XKR4: variants seen among roughly 807,000 people sequenced by gnomAD.
The protein encoded by XKR4 is XK-related protein 4.
XKR4 carries 12 observed loss-of-function variants against 53.9 expected under a neutral mutation model. The observed-to-expected ratio is 0.22, with a 90% CI of 0.14 to 0.36. XKR4 has a LOEUF of 0.36. XKR4 is among the 10% of genes least tolerant of loss of function. The pLI is 1.00. For missense variants in XKR4, 799 were observed against 859.5 expected (o/e 0.93, Z 0.88); for synonymous variants, 354 against 362.4 (o/e 0.98, Z 0.26).
chr8:55,173,533 C>T (rs1198415762), intron 1 of XKR4, among the ~76,000 whole-genome samples: 6 of 152,062 alleles, frequency 3.9e-5, no homozygotes. Flanking sequence ...TATTCTCCAC[C>T]CTTCCTCCAA....
At chr8:55,428,179 A>G (rs79209878) in intron 2 of XKR4, among the ~76,000 whole-genome samples, 6,251 of 152,282 alleles carry the variant, frequency 0.041, 237 homozygotes, top group African/African-American at 0.096. Context: ...CCTGGACATT[A>G]TATATAAAGC....
rs1468008545 is a variant in XKR4, at chr8:55,524,482, C to G, written c.*255C>G. 8 of 523,830 alleles carry G rather than the reference C, an allele frequency of 1.5e-5. No homozygotes were observed. The highest frequency in any genetic ancestry group is 2.4e-5 in the Non-Finnish European group (7 of 294,144). 32.4% of individuals were successfully genotyped at this position (523,830 alleles called of 1,614,324 possible). ...GACTCTCCATTGCTACCAAACTCCT[C>G]CTGCACGGTCTTGGGTGCACCCACC... On this transcript the variant is annotated 3_prime_UTR_variant, in exon 3 of 3. Transcript: ENST00000327381.
At chr8:55,199,761 GA>G (rs1230975132) in intron 1 of XKR4, among the ~76,000 whole-genome samples, 4 of 152,198 alleles carry the variant, frequency 2.6e-5, no homozygotes, top group African/African-American at 7.2e-5. Flanking sequence ...TGTACTGTAA[GA>G]TAGCCACATA....
chr8:55,180,160 T>C (rs1227268586), intron 1 of XKR4, among the ~76,000 whole-genome samples: 8 of 152,238 alleles, frequency 5.3e-5, no homozygotes, highest in Admixed American at 1.3e-4. Flanking sequence ...AAAAGATTCA[T>C]GAGTCGGAGG....
chr8:55,237,835 T>G (rs1241055019), intron 1 of XKR4, among the ~76,000 whole-genome samples: 1 of 152,220 alleles, frequency 6.6e-6, no homozygotes, highest in African/African-American at 2.4e-5. Flanking sequence ...TATGACTGAC[T>G]CCTTGTGCTT....
intron 2 of XKR4, among the ~76,000 whole-genome samples, chr8:55,479,837 A>C (rs1184373186): frequency 6.6e-6 from 1 of 152,142 alleles, no homozygotes; most frequent in African/African-American, 2.4e-5. Context: ...CACTCTCCCA[A>C]GACTAAACCA....
intron 1 of XKR4, chr8:55,161,658 T>C (rs1400559938): frequency 4.4e-6 from 2 of 456,134 alleles, no homozygotes; most frequent in Admixed American, 4.7e-5. Context: ...AGTGAATACT[T>C]GGACGGTGTT....
rs1806950734 is a variant in XKR4, at chr8:55,531,377, T to C, written c.*7150T>C. 6.6e-6 allele frequency: 1 copy of C among 152,184 alleles called. No individual in the cohort carries two copies. The highest frequency in any genetic ancestry group is 1.5e-5 in the Non-Finnish European group (1 of 68,022). The allele number at this position is 152,184 out of a possible 1,614,324, so 9.4% of individuals were successfully genotyped here. ...TTAACAGTAAAAAATATAGTATTAT[T>C]GTCTTATGGGATCGCTGTCATATGT... On this transcript the variant is annotated 3_prime_UTR_variant, in exon 3 of 3. Transcript: ENST00000327381.
At chr8:55,497,475 T>G (rs1026229137) in intron 2 of XKR4, among the ~76,000 whole-genome samples, 3 of 152,198 alleles carry the variant, frequency 2.0e-5, no homozygotes, top group Non-Finnish European at 4.4e-5. Context: ...ACCTTTTGCT[T>G]TATTAACTTA....
chr8:55,181,095 C>T (rs1039845851), intron 1 of XKR4, among the ~76,000 whole-genome samples: 1 of 152,116 alleles, frequency 6.6e-6, no homozygotes, highest in South Asian at 2.1e-4. Flanking sequence ...TACTATGTCT[C>T]GAGAGTAAAT....
intron 1 of XKR4, among the ~76,000 whole-genome samples, chr8:55,215,115 A>AT (rs1255427663): frequency 6.6e-6 from 1 of 150,622 alleles, no homozygotes; most frequent in Non-Finnish European, 1.5e-5. Context: ...CAAGTTTGTT[A>AT]TTTTTTCCCT....
chr8:55,445,474 C>A (rs1805334156), intron 2 of XKR4, among the ~76,000 whole-genome samples: 1 of 152,122 alleles, frequency 6.6e-6, no homozygotes, highest in African/African-American at 2.4e-5. Flanking sequence ...ATGAATATGT[C>A]TGCCCCATTA....
At chr8:55,469,645 T>A (rs1017987072) in intron 2 of XKR4, among the ~76,000 whole-genome samples, 2 of 152,004 alleles carry the variant, frequency 1.3e-5, no homozygotes, top group Non-Finnish European at 2.9e-5. Flanking sequence ...TTAAAAAAAA[T>A]TAAAAATCTA....
At chr8:55,257,821 T>C (rs1679083865) in intron 1 of XKR4, among the ~76,000 whole-genome samples, 1 of 152,232 alleles carries the variant, frequency 6.6e-6, no homozygotes, top group Non-Finnish European at 1.5e-5. Flanking sequence ...CGGTGTTTTC[T>C]ATGAGCCCCT....
chr8:55,357,989 C>G (rs1248409914), intron 2 of XKR4, 112 bp downstream of exon 2: 6 of 1,055,518 alleles, frequency 5.7e-6, no homozygotes, highest in Non-Finnish European at 8.2e-6. Context: ...TGTGATGTGT[C>G]TGCTGTTTTA....
intron 1 of XKR4, among the ~76,000 whole-genome samples, chr8:55,339,452 G>A (rs755713342): frequency 1.3e-5 from 2 of 152,152 alleles, no homozygotes; most frequent in African/African-American, 2.4e-5. Flanking sequence ...CTGATCATGC[G>A]TGTTCATTCC....
At chr8:55,379,385 C>T (rs999646411) in intron 2 of XKR4, among the ~76,000 whole-genome samples, 2 of 152,202 alleles carry the variant, frequency 1.3e-5, no homozygotes, top group African/African-American at 2.4e-5. Context: ...GACTAGGATA[C>T]TCACCATACC....
chr8:55,501,771 G>A (rs2622568), intron 2 of XKR4, among the ~76,000 whole-genome samples: 66,771 of 151,844 alleles, frequency 0.44, 17,313 homozygotes, highest in African/African-American at 0.73. Flanking sequence ...GCTATTGTGA[G>A]TAATGCTGTT....
intron 1 of XKR4, among the ~76,000 whole-genome samples, chr8:55,321,392 TA>T (rs1803209727): frequency 6.6e-6 from 1 of 152,166 alleles, no homozygotes; most frequent in African/African-American, 2.4e-5. Context: ...TGCCATTTCT[TA>T]ACCTTGACTT....
Sources: allele counts gnomAD v4.1 joint callset (sites outside exome capture counted in the v4.1 genomes callset), GRCh38; gene constraint gnomAD v4.1.1; transcripts MANE v1.5; gene names NCBI Gene and HGNC (gene_info 2026-07-23, HGNC 2026-07-21).